The following CNTNAP5 variants were observed in gnomAD, a reference collection of about 807,000 sequenced individuals.
CNTNAP5 encodes contactin associated protein family member 5, also known as contactin-associated protein-like 5.
Under a neutral mutation model 150.2 loss-of-function variants are expected in CNTNAP5, and 72 were observed. That is an observed-to-expected ratio of 0.48 (90% CI 0.40 to 0.58). CNTNAP5 has a LOEUF of 0.58. CNTNAP5 is among the 20% of genes least tolerant of loss of function. CNTNAP5 has a pLI of 0.00. For missense variants in CNTNAP5, 1,636 were observed against 1,626.2 expected (o/e 1.01, Z -0.10); for synonymous variants, 672 against 619.8 (o/e 1.08, Z -1.25).
intron 1 of CNTNAP5, among the ~76,000 whole-genome samples, chr2:124,195,046 T>A (rs1425308526): frequency 5.4e-5 from 8 of 149,440 alleles, no homozygotes; most frequent in Middle Eastern, 6.9e-3. Context: ...CAGAATTAAA[T>A]AAAAAAAAAA....
chr2:124,105,938 A>G (rs1427212429), intron 1 of CNTNAP5, among the ~76,000 whole-genome samples: 1 of 152,218 alleles, frequency 6.6e-6, no homozygotes. Flanking sequence ...GAGGGTAACT[A>G]TATATCTATT....
intron 8 of CNTNAP5, among the ~76,000 whole-genome samples, chr2:124,519,987 A>G (rs1694816257): frequency 6.6e-6 from 1 of 152,228 alleles, no homozygotes; most frequent in African/African-American, 2.4e-5. Context: ...TAAACAGTTT[A>G]TCAGGTTTTT....
At chr2:124,484,192 G>A (rs764274241) in intron 7 of CNTNAP5, among the ~76,000 whole-genome samples, 3 of 152,330 alleles carry the variant, frequency 2.0e-5, no homozygotes, top group Admixed American at 6.5e-5. Flanking sequence ...GTAAGTGCAG[G>A]AACTTGGCTT....
intron 23 of CNTNAP5, among the ~76,000 whole-genome samples, chr2:124,911,972 A>G (rs1678665574): frequency 6.6e-6 from 1 of 152,090 alleles, no homozygotes; most frequent in Non-Finnish European, 1.5e-5. Context: ...GGTTAGGTCT[A>G]ATGAGCAGGG....
intron 19 of CNTNAP5, among the ~76,000 whole-genome samples, chr2:124,815,108 C>T (rs1573635898): frequency 1.3e-5 from 2 of 152,128 alleles, no homozygotes; most frequent in African/African-American, 2.4e-5. Context: ...TCCAGCTCTC[C>T]GTAGCAATAA....
intron 6 of CNTNAP5, among the ~76,000 whole-genome samples, chr2:124,452,238 C>T (rs563785538): frequency 7.9e-5 from 12 of 152,152 alleles, no homozygotes; most frequent in Non-Finnish European, 1.6e-4. Flanking sequence ...CTTTGTGTTG[C>T]GTGGGAGCTG....
intron 1 of CNTNAP5, among the ~76,000 whole-genome samples, chr2:124,099,847 A>G (rs1683025112): frequency 6.6e-6 from 1 of 152,070 alleles, no homozygotes; most frequent in South Asian, 2.1e-4. Flanking sequence ...TGAAAACTCT[A>G]TCACAAGAAC....
Position 124,388,568 on chromosome 2 carries a change from C to T in CNTNAP5, c.382-28875C>T, listed in dbSNP as rs74338960. Among the ~76,000 whole-genome samples, 513 of 152,328 alleles carry T rather than the reference C, an allele frequency of 3.4e-3. 3 individuals are homozygous for T. Among genetic ancestry groups the T allele is most frequent in the African/African-American group, 0.011 (475 of 41,580 alleles). On this transcript the variant is annotated intron_variant, in intron 3 of 23. Coordinates refer to ENST00000682447, the MANE Select transcript of CNTNAP5 (RefSeq NM_001367498.1). ...TTCTAGGCCCAGTGCCAGGGTTATA[C>T]ACTCTCAGAGCATTTATATGTTCCC...
intron 1 of CNTNAP5, among the ~76,000 whole-genome samples, chr2:124,103,272 A>G (rs867233069): frequency 6.6e-6 from 1 of 152,094 alleles, no homozygotes; most frequent in South Asian, 2.1e-4. Flanking sequence ...GTGAAATAAA[A>G]TTAAAAACTG....
At chr2:124,625,968 A>G (rs575085082) in intron 12 of CNTNAP5, among the ~76,000 whole-genome samples, 4 of 152,310 alleles carry the variant, frequency 2.6e-5, no homozygotes, top group South Asian at 2.1e-4. Context: ...CCTCATCTGT[A>G]TAATAGAAAT....
At chr2:124,072,070 G>C (rs1682318277) in intron 1 of CNTNAP5, among the ~76,000 whole-genome samples, 3 of 151,920 alleles carry the variant, frequency 2.0e-5, no homozygotes, top group Admixed American at 2.0e-4. Flanking sequence ...TGCAAGCATG[G>C]TTCAACATAT....
intron 4 of CNTNAP5, among the ~76,000 whole-genome samples, chr2:124,419,948 C>CT (rs1553466650): frequency 2.7e-5 from 3 of 112,760 alleles, no homozygotes; most frequent in Non-Finnish European, 5.3e-5. Flanking sequence ...TTCTTTCTTT[C>CT]TTTCTTTCCT....
At chr2:124,562,985 T>C (rs1009379003) in intron 10 of CNTNAP5, among the ~76,000 whole-genome samples, 2 of 152,344 alleles carry the variant, frequency 1.3e-5, no homozygotes, top group African/African-American at 4.8e-5. Flanking sequence ...CTTAAGTACT[T>C]ACATCAGCTT....
chr2:124,856,572 C>A (rs1186014467), intron 19 of CNTNAP5, among the ~76,000 whole-genome samples: 1 of 152,250 alleles, frequency 6.6e-6, no homozygotes, highest in African/African-American at 2.4e-5. Flanking sequence ...TTTTAACTTG[C>A]ATTTCCCTGA....
chr2:124,046,425 A>G (rs1489180241), intron 1 of CNTNAP5, among the ~76,000 whole-genome samples: 2 of 59,614 alleles, frequency 3.4e-5, no homozygotes. Context: ...ATCTGCTCAC[A>G]AAAGAGAGAA....
chr2:124,902,410 T>A (rs369885985), intron 21 of CNTNAP5, among the ~76,000 whole-genome samples: 39 of 152,292 alleles, frequency 2.6e-4, no homozygotes, highest in African/African-American at 9.1e-4. Context: ...AAGGACAACA[T>A]TGACTTCTAA....
intron 10 of CNTNAP5, among the ~76,000 whole-genome samples, chr2:124,561,314 T>G (rs1346844835): frequency 6.6e-6 from 1 of 151,980 alleles, no homozygotes; most frequent in Non-Finnish European, 1.5e-5. Context: ...CCCCCCAGGA[T>G]CTCCTGAGGA....
At chr2:124,297,810 T>TTTTTTA (rs769649857) in intron 3 of CNTNAP5, among the ~76,000 whole-genome samples, 74 of 126,386 alleles carry the variant, frequency 5.9e-4, no homozygotes, top group East Asian at 3.5e-3. Context: ...CATCCAATTA[T>TTTTTTA]TTATTATTAT....
chr2:124,891,651 A>G (rs1198055180), intron 21 of CNTNAP5, among the ~76,000 whole-genome samples: 1 of 152,178 alleles, frequency 6.6e-6, no homozygotes, highest in Non-Finnish European at 1.5e-5. Flanking sequence ...AACTGTGTAC[A>G]TATTTAATTG....
Sources: allele counts gnomAD v4.1 joint callset (sites outside exome capture counted in the v4.1 genomes callset), GRCh38; gene constraint gnomAD v4.1.1; transcripts MANE v1.5; gene names NCBI Gene and HGNC (gene_info 2026-07-23, HGNC 2026-07-21).